The following NLRC3 variants were observed in gnomAD, a reference collection of about 807,000 sequenced individuals.
NLRC3 encodes NLR family CARD domain containing 3.
Under a neutral mutation model 91.6 loss-of-function variants are expected in NLRC3, and 87 were observed. That is an observed-to-expected ratio of 0.95 (90% CI 0.80 to 1.14). The LOEUF is 1.14. NLRC3 is among the 50% of genes most tolerant of loss of function. The probability of loss-of-function intolerance (pLI) is 0.00; values close to 1 mark genes in which losing one functional copy is unlikely to be tolerated. For missense variants in NLRC3, 1,577 were observed against 1,418.6 expected, an observed-to-expected ratio of 1.11 and a Z score of -1.79; for synonymous variants, 694 against 625.3, an observed-to-expected ratio of 1.11 and a Z score of -1.64.
At chr16:3,571,793 A>T (rs946839219) in intron 1 of NLRC3, among the ~76,000 whole-genome samples, 16 of 151,302 alleles carry the variant, frequency 1.1e-4, no homozygotes, top group African/African-American at 3.9e-4. Context: ...TACAAAAATT[A>T]GCTGGGCGTG....
Position 3,554,263 on chromosome 16 carries a change from T to C in NLRC3, c.2246A>G (p.Asn749Ser). 1.2e-6 allele frequency: 2 copies of C among 1,613,334 alleles called. No homozygotes were observed. The highest frequency in any genetic ancestry group is 1.7e-6 in the Non-Finnish European group (2 of 1,179,288). The change falls in exon 9 of 20, where the codon AAC (asparagine) becomes AGC (serine). Residue 749 changes from asparagine to serine, a missense_variant. By Grantham distance (46) the Asn-to-Ser change is conservative. Coordinates refer to ENST00000359128, the MANE Select transcript of NLRC3 (RefSeq NM_178844.4). Reference sequence around the variant, plus strand: ...TCACTGCAGCATGGAGAGGGTCCGGTTGGAGGCCAAGGCCTCAGCCATGGA... The same window carrying C: ...TCACTGCAGCATGGAGAGGGTCCGGCTGGAGGCCAAGGCCTCAGCCATGGA... ...ARSMAEALAS[N>S]RTLSMLHLQK...
chr16:3,547,514 T>C (rs1048290707), intron 15 of NLRC3, among the ~76,000 whole-genome samples: 2 of 152,136 alleles, frequency 1.3e-5, no homozygotes, highest in Non-Finnish European at 2.9e-5. Context: ...GTGAATTGTA[T>C]ACTAAGTGGG....
At chr16:3,549,068 C>G in intron 13 of NLRC3, 74 bp downstream of exon 13, 1 of 1,180,222 alleles carries the variant, frequency 8.5e-7, no homozygotes, top group Non-Finnish European at 1.2e-6. Flanking sequence ...GCGAGGGTGC[C>G]CGTCAGCCCA....
In NLRC3 at chr16:3,563,489, C is replaced by G. The variant is rs755004979; in HGVS notation, c.1448G>C (p.Gly483Ala). ...GAAGCCCAGCCTGGGCCAGGATACG[C>G]CGCTCTCAGTGAAGAGGTCGAAGAT... ...RAIFDLFTES[G>A]VSWPRLGFLT... is the part of the protein sequence containing the mutation. The change falls in exon 5 of 20, where the codon GGC (glycine) becomes GCC (alanine). Residue 483 changes from glycine to alanine, a missense_variant. Physicochemically the swap from Gly to Ala is moderately conservative, Grantham distance 60 (BLOSUM62 0). Transcript: ENST00000359128. 1 of 1,592,372 alleles carries G rather than the reference C, an allele frequency of 6.3e-7. No individual in the cohort carries two copies. The highest frequency in any genetic ancestry group is 8.5e-7 in the Non-Finnish European group (1 of 1,169,980).
intron 5 of NLRC3, among the ~76,000 whole-genome samples, chr16:3,562,223 C>A (rs1047286615): frequency 6.6e-6 from 1 of 152,172 alleles, no homozygotes; most frequent in Non-Finnish European, 1.5e-5. Flanking sequence ...GAAGTCCTAA[C>A]CCCCTGTGCC....
intron 17 of NLRC3, chr16:3,543,177 C>G (rs1028347208): frequency 5.8e-6 from 3 of 517,610 alleles, no homozygotes; most frequent in South Asian, 2.1e-5. Flanking sequence ...GATCAGCCCC[C>G]CTGGGACCCA....
At chr16:3,543,230 C>T (rs925876554) in intron 17 of NLRC3, 195 bp downstream of exon 17, 18 of 576,984 alleles carry the variant, frequency 3.1e-5, no homozygotes, top group Admixed American at 2.1e-4. Context: ...AAGGCCAACC[C>T]GGAGAGGAGG....
At chr16:3,571,062 G>A (rs1305436303) in intron 1 of NLRC3, among the ~76,000 whole-genome samples, 6 of 152,018 alleles carry the variant, frequency 3.9e-5, no homozygotes, top group African/African-American at 1.2e-4. Flanking sequence ...GGATATAGAG[G>A]CCAGGAACAA....
chr16:3,557,754 A>G (rs1361070629), intron 6 of NLRC3, 78 bp from the exon 7 acceptor site: 1 of 893,714 alleles, frequency 1.1e-6, no homozygotes, highest in Non-Finnish European at 1.8e-6. Context: ...TGTGCCCGTG[A>G]TTAATCCTCT....
At position 3,561,788 on chromosome 16, in the gene NLRC3, C is replaced by A. The variant is rs1290641501; in HGVS notation, c.1929G>T (p.Arg643Ser). The change falls in exon 6 of 20, where the codon AGG (arginine) becomes AGT (serine). Residue 643 changes from arginine (R) to serine (S), a missense_variant and splice_region_variant. By Grantham distance (110) the Arg-to-Ser change is moderately radical (BLOSUM62 -1). Transcript: ENST00000359128. ...LPQLLYCRKL[R>S]LDTNQFQDPV... is the part of the protein sequence containing the mutation. ...GGTCCTGGAACTGGTTGGTGTCCAG[C>A]CTGGCCAAGGGGAGCAGTGACAGTG... 6.2e-7 allele frequency: 1 copy of A among 1,612,606 alleles called. No homozygotes were observed. The highest frequency in any genetic ancestry group is 1.7e-5 in the Admixed American group (1 of 59,994).
intron 15 of NLRC3, 145 bp downstream of exon 15, chr16:3,547,990 C>T: frequency 1.6e-6 from 1 of 621,410 alleles, no homozygotes; most frequent in Non-Finnish European, 2.9e-6. Flanking sequence ...AAAAGGCAGA[C>T]AAGGACTGAA....
chr16:3,557,459 T>C, intron 7 of NLRC3, 134 bp downstream of exon 7: 1 of 620,234 alleles, frequency 1.6e-6, no homozygotes, highest in East Asian at 2.8e-5. Flanking sequence ...ACCCAGGGGC[T>C]GAATCATGGG....
chr16:3,573,011 C>CAAAA (rs58940028), intron 1 of NLRC3, among the ~76,000 whole-genome samples: 6 of 75,252 alleles, frequency 8.0e-5, no homozygotes, highest in African/African-American at 1.0e-4. Flanking sequence ...GACTCTATCT[C>CAAAA]AAAAAAAAAA....
At position 3,541,343 on chromosome 16, in the gene NLRC3, T is replaced by A. The variant is rs1484836249; in HGVS notation, c.*482A>T. On this transcript the variant is annotated 3_prime_UTR_variant, in exon 20 of 20. Coordinates refer to ENST00000359128, the MANE Select transcript of NLRC3 (RefSeq NM_178844.4). Reference sequence around the variant, plus strand: ...TCTGTAAGGATGATACCCTGAAATCTTCTTCTTGAGAAGATAAAGAAGGGT... The same window carrying A: ...TCTGTAAGGATGATACCCTGAAATCATCTTCTTGAGAAGATAAAGAAGGGT... 1 of 152,966 alleles carries A rather than the reference T, an allele frequency of 6.5e-6. No individual in the cohort carries two copies. Among genetic ancestry groups the A allele is most frequent in the Middle Eastern group, 3.4e-3 (1 of 290 alleles). The allele number at this position is 152,966 out of a possible 1,614,324, so 9.5% of individuals were successfully genotyped here.
At chr16:3,573,472 T>C (rs1318976686) in intron 1 of NLRC3, among the ~76,000 whole-genome samples, 2 of 152,152 alleles carry the variant, frequency 1.3e-5, no homozygotes, top group African/African-American at 4.8e-5. Flanking sequence ...TTCAAAGGTA[T>C]GTCAGCCCAA....
intron 10 of NLRC3, among the ~76,000 whole-genome samples, chr16:3,551,459 T>C (rs56941544): frequency 0.12 from 17,176 of 148,994 alleles, 1,303 homozygotes; most frequent in African/African-American, 0.23. Context: ...ACTCATTCAT[T>C]CATTCATCCA....
intron 15 of NLRC3, 69 bp downstream of exon 15, chr16:3,548,066 G>A: frequency 9.5e-7 from 1 of 1,056,978 alleles, no homozygotes; most frequent in Non-Finnish European, 1.4e-6. Flanking sequence ...TGCCTGATGG[G>A]TACCAGGTTT....
chr16:3,543,669 A>G (rs111350881), intron 16 of NLRC3, 161 bp from the exon 17 acceptor site: 27 of 617,030 alleles, frequency 4.4e-5, no homozygotes, highest in Middle Eastern at 4.3e-4. Flanking sequence ...TCCTACCTAC[A>G]CTGTCTGTTG....
chr16:3,564,522 G>C lies in NLRC3; in HGVS notation c.415C>G (p.Arg139Gly). Residue 139 changes from arginine (R) to glycine (G), a missense_variant, in exon 5 of 20, where the codon CGG becomes GGG. Physicochemically the swap from Arg to Gly is moderately radical, Grantham distance 125. Coordinates refer to ENST00000359128, the MANE Select transcript of NLRC3 (RefSeq NM_178844.4). The surrounding 1 kb of genome is among the most constrained non-coding windows in gnomAD (Gnocchi z 5.9). ...GCCACCCCGATAGTGATGGAGACCC[G>C]GGGTGGGACAGACACCCGGGAGAGA... is the stretch of plus-strand genomic sequence containing the variant. ...LPLSRVSVPP[R>G]VSITIGVAGM... The C allele has an allele frequency of 6.2e-7, 1 of 1,612,192 alleles. No individual in the cohort carries two copies. The highest frequency in any genetic ancestry group is 8.5e-7 in the Non-Finnish European group (1 of 1,179,644).
Sources: gnomAD v4.1 joint callset for allele counts (sites outside exome capture counted in the v4.1 genomes callset) on GRCh38, gnomAD v4.1.1 for gene constraint, Gnocchi (gnomAD v3.1) non-coding constraint, MANE v1.5 for transcripts, NCBI Gene and HGNC (gene_info 2026-07-23, HGNC 2026-07-21) for gene names.